MNAT1: variants seen among roughly 807,000 people sequenced by gnomAD.
MNAT1 encodes CDK-activating kinase assembly factor MAT1.
A neutral mutation model predicts 42.0 loss-of-function variants in MNAT1; 43 were observed. That is an observed-to-expected ratio of 1.02 (90% CI 0.80 to 1.32). The LOEUF is 1.32. Ranked by LOEUF, MNAT1 falls within the 40% of genes most tolerant of loss-of-function variation. MNAT1 has a pLI of 0.00. For synonymous variants in MNAT1, 118 were observed against 120.0 expected (o/e 0.98, Z 0.11); for missense variants, 306 against 350.4 (o/e 0.87, Z 1.01).
chr14:60,818,958 G>A, intron 6 of MNAT1, 111 bp downstream of exon 6: 1 of 1,223,082 alleles, frequency 8.2e-7, no homozygotes, highest in Non-Finnish European at 1.1e-6. Flanking sequence ...TAAGAACAGT[G>A]TCTGATCTAG....
chr14:60,840,622 A>G (rs1341704368), intron 6 of MNAT1, among the ~76,000 whole-genome samples: 3 of 152,112 alleles, frequency 2.0e-5, no homozygotes, highest in Non-Finnish European at 4.4e-5. Context: ...TCTAGTTACT[A>G]TAGTCAAAGA....
At chr14:60,879,994 T>C (rs953170180) in intron 7 of MNAT1, 159 bp downstream of exon 7, 18 of 614,046 alleles carry the variant, frequency 2.9e-5, no homozygotes, top group Non-Finnish European at 4.2e-5. Flanking sequence ...ATTTAGTACA[T>C]TAATTTTTCT....
intron 7 of MNAT1, among the ~76,000 whole-genome samples, chr14:60,909,305 T>C (rs565225013): frequency 2.6e-5 from 4 of 152,356 alleles, no homozygotes; most frequent in Admixed American, 2.6e-4. Context: ...TTTCTTTTGC[T>C]GTGCAGAAAC....
chr14:60,879,793 A>G lies in MNAT1; in HGVS notation c.767A>G (p.Tyr256Cys). 2 of 1,613,232 alleles carry G rather than the reference A, an allele frequency of 1.2e-6. No individual in the cohort carries two copies. The highest frequency in any genetic ancestry group is 1.7e-4 in the Middle Eastern group (1 of 6,052). Reference sequence around the variant, plus strand: ...TACCAGCCACTGCAGATAGAGACATATGGACCACATGTTCCTGAGCTTGAG... The same window carrying G: ...TACCAGCCACTGCAGATAGAGACATGTGGACCACATGTTCCTGAGCTTGAG... Reference protein sequence around the residue: ...YEYQPLQIETYGPHVPELEML... With the variant: ...YEYQPLQIETCGPHVPELEML... Residue 256 changes from tyrosine to cysteine, a missense_variant, in exon 7 of 8, where the codon TAT becomes TGT. Tyr to Cys is a radical substitution (Grantham distance 194). This residue lies in a region of MNAT1 where 116 missense variants were observed against 139.6 expected (regional missense o/e 0.83). Transcript: ENST00000261245.
chr14:60,962,959 G>C (rs2036621904), intron 7 of MNAT1, among the ~76,000 whole-genome samples: 1 of 151,836 alleles, frequency 6.6e-6, no homozygotes, highest in African/African-American at 2.4e-5. Context: ...TTTTTGTTTG[G>C]ACTTCATGAA....
chr14:60,798,958 A>G (rs1318624942), intron 3 of MNAT1, among the ~76,000 whole-genome samples: 2 of 152,176 alleles, frequency 1.3e-5, no homozygotes. Context: ...ACTATTAAAA[A>G]TAAGATTATA....
chr14:60,888,425 T>G (rs1001321598), intron 7 of MNAT1, among the ~76,000 whole-genome samples: 2 of 152,068 alleles, frequency 1.3e-5, no homozygotes, highest in African/African-American at 4.8e-5. Flanking sequence ...TCTCAATAAA[T>G]TAGGTATTGA....
At chr14:60,858,930 A>C (rs1012086941) in intron 6 of MNAT1, among the ~76,000 whole-genome samples, 3 of 152,232 alleles carry the variant, frequency 2.0e-5, no homozygotes, top group Admixed American at 6.5e-5. Context: ...ATTAGGAAAT[A>C]AAAAATGTGT....
At chr14:60,759,612 T>C (rs1247299138) in intron 1 of MNAT1, among the ~76,000 whole-genome samples, 2 of 152,172 alleles carry the variant, frequency 1.3e-5, no homozygotes, top group Non-Finnish European at 2.9e-5. Flanking sequence ...TGTTGGAAAT[T>C]GTTGATGCTT....
chr14:60,968,202 A>G lies in MNAT1; in HGVS notation c.810-27A>G, dbSNP rs758983713. ...CCTATTTATATTTGCTTTGTATATC[A>G]ATGCTACACTTCTTGTTTTGTTTTA... On this transcript the variant is annotated intron_variant, in intron 7 of 7. Coordinates refer to ENST00000261245, the MANE Select transcript of MNAT1 (RefSeq NM_002431.4). 5.2e-6 allele frequency: 8 copies of G among 1,535,208 alleles called. No homozygotes were observed. In the South Asian group the frequency reaches 9.3e-5, roughly 18 times the overall value.
intron 6 of MNAT1, among the ~76,000 whole-genome samples, chr14:60,877,911 T>C (rs1456813521): frequency 6.6e-6 from 1 of 152,068 alleles, no homozygotes; most frequent in African/African-American, 2.4e-5. Flanking sequence ...AATTTTCTTA[T>C]TTTATTTGTA....
At chr14:60,760,395 A>C (rs1172628788) in intron 1 of MNAT1, among the ~76,000 whole-genome samples, 1 of 152,104 alleles carries the variant, frequency 6.6e-6, no homozygotes, top group African/African-American at 2.4e-5. Context: ...CCCCCACCAC[A>C]CTTGCGTAAC....
intron 6 of MNAT1, among the ~76,000 whole-genome samples, chr14:60,874,137 C>G (rs963764592): frequency 6.6e-6 from 1 of 152,172 alleles, no homozygotes; most frequent in Non-Finnish European, 1.5e-5. Flanking sequence ...TTCACGCTCT[C>G]TTTTCATATT....
At chr14:60,870,405 CTTAT>C (rs2034302763) in intron 6 of MNAT1, among the ~76,000 whole-genome samples, 1 of 152,050 alleles carries the variant, frequency 6.6e-6, no homozygotes, top group Non-Finnish European at 1.5e-5. Context: ...CTTTTAAAGC[CTTAT>C]TTCTTTATCA....
chr14:60,763,133 A>G (rs1594734401), intron 1 of MNAT1, among the ~76,000 whole-genome samples: 1 of 152,194 alleles, frequency 6.6e-6, no homozygotes, highest in East Asian at 1.9e-4. Flanking sequence ...AGTTAAGAAA[A>G]AAGTCATGCG....
intron 1 of MNAT1, among the ~76,000 whole-genome samples, chr14:60,741,674 T>TTTTTA (rs1896468966): frequency 6.8e-6 from 1 of 146,602 alleles, no homozygotes; most frequent in South Asian, 2.2e-4. Context: ...TTTTTTTTTT[T>TTTTTA]TTTTTTAATT....
chr14:60,943,234 A>C (rs76523491), intron 7 of MNAT1, among the ~76,000 whole-genome samples: 1,959 of 152,122 alleles, frequency 0.013, 44 homozygotes, highest in African/African-American at 0.045. Flanking sequence ...TTTAACTTCT[A>C]TAGATCTGAG....
intron 1 of MNAT1, among the ~76,000 whole-genome samples, chr14:60,794,019 A>G (rs1356988985): frequency 6.6e-6 from 1 of 152,220 alleles, no homozygotes; most frequent in Non-Finnish European, 1.5e-5. Flanking sequence ...TGTCTAATAT[A>G]CAATATAACG....
chr14:60,914,067 T>G (rs1392705469), intron 7 of MNAT1, among the ~76,000 whole-genome samples: 2 of 152,210 alleles, frequency 1.3e-5, no homozygotes, highest in Non-Finnish European at 2.9e-5. Context: ...TGCAGTTTGA[T>G]CTCAGACTGC....
Sources: allele counts gnomAD v4.1 joint callset (sites outside exome capture counted in the v4.1 genomes callset), GRCh38; gene constraint gnomAD v4.1.1; regional missense constraint gnomAD v4.1.1; transcripts MANE v1.5; gene names NCBI Gene and HGNC (gene_info 2026-07-23, HGNC 2026-07-21).